Variants in FRMD4A observed in about 807,000 individuals in gnomAD.
The protein encoded by FRMD4A is FERM domain-containing protein 4A.
FRMD4A carries 29 observed loss-of-function variants against 129.1 expected under a neutral mutation model. The ratio of observed to expected loss-of-function variants is 0.22; its 90% CI spans 0.17 to 0.31. The LOEUF (loss-of-function observed/expected upper bound fraction) is 0.31. Ranked by LOEUF, FRMD4A falls within the 10% of genes least tolerant of loss-of-function variation. The pLI is 1.00. For synonymous variants in FRMD4A, 634 were observed against 571.6 expected (o/e 1.11, Z -1.56); for missense variants, 1,272 against 1,375.8 (o/e 0.92, Z 1.19).
At chr10:14,094,997 T>C (rs1836873754) in intron 2 of FRMD4A, among the ~76,000 whole-genome samples, 1 of 152,080 alleles carries the variant, frequency 6.6e-6, no homozygotes. Context: ...CATACATCCA[T>C]ATGCATGGAT....
chr10:13,750,461 A>G (rs2091560250), intron 8 of FRMD4A, among the ~76,000 whole-genome samples: 1 of 152,218 alleles, frequency 6.6e-6, no homozygotes, highest in Non-Finnish European at 1.5e-5. Context: ...CTCACTGACC[A>G]CAGGGGTGAT....
intron 2 of FRMD4A, among the ~76,000 whole-genome samples, chr10:14,259,491 C>T (rs914505227): frequency 5.9e-5 from 9 of 152,060 alleles, no homozygotes; most frequent in African/African-American, 2.2e-4. Context: ...TATTCATACT[C>T]CTGCAAATGT....
chr10:13,753,538 TCTA>T (rs2091725996), intron 8 of FRMD4A, among the ~76,000 whole-genome samples: 1 of 137,856 alleles, frequency 7.3e-6, no homozygotes, highest in African/African-American at 2.7e-5. Flanking sequence ...TATGTACCTT[TCTA>T]TTTTTTTTTT....
rs34059772 is a variant in FRMD4A at position 13,777,791 on chromosome 10, A to ATTTTTTTTTTTTT, written c.384+5118_384+5130dup. Among the ~76,000 whole-genome samples, 26 of 85,986 alleles carry ATTTTTTTTTTTTT rather than the reference A, an allele frequency of 3.0e-4. No individual in the cohort carries two copies. In the East Asian group the frequency reaches 5.1e-3, roughly 17 times the overall value. The allele number at this position is 85,986 out of a possible 152,430, so 56.4% of individuals were successfully genotyped here. On this transcript the variant is annotated intron_variant, in intron 6 of 24. Coordinates refer to ENST00000357447, the MANE Select transcript of FRMD4A (RefSeq NM_018027.5). ...GTCTGCCCAAGTAGGCTTTGGGTCA[A>ATTTTTTTTTTTTT]TTTTTTTTTTTTTTTTTTTTTTTTT...
intron 2 of FRMD4A, among the ~76,000 whole-genome samples, chr10:13,990,085 T>A (rs989116626): frequency 6.6e-6 from 1 of 152,176 alleles, no homozygotes; most frequent in Non-Finnish European, 1.5e-5. Flanking sequence ...GCTGGCTGCG[T>A]AACCCTGGAC....
At chr10:14,086,284 G>T (rs1836271826) in intron 2 of FRMD4A, among the ~76,000 whole-genome samples, 1 of 152,184 alleles carries the variant, frequency 6.6e-6, no homozygotes, top group African/African-American at 2.4e-5. Flanking sequence ...AAGCCCACTT[G>T]TATGCCTTCC....
chr10:14,024,302 G>C (rs1588804793), intron 2 of FRMD4A, among the ~76,000 whole-genome samples: 1 of 152,214 alleles, frequency 6.6e-6, no homozygotes, highest in African/African-American at 2.4e-5. Context: ...AGGACTTTCG[G>C]AGTGGCAGGG....
At chr10:14,253,797 G>A (rs953713749) in intron 2 of FRMD4A, among the ~76,000 whole-genome samples, 4 of 152,186 alleles carry the variant, frequency 2.6e-5, no homozygotes, top group Non-Finnish European at 5.9e-5. Flanking sequence ...TAGGACCAAG[G>A]ACGGGGTGAA....
At chr10:14,283,080 T>C (rs781299737) in intron 2 of FRMD4A, among the ~76,000 whole-genome samples, 13 of 152,270 alleles carry the variant, frequency 8.5e-5, no homozygotes, top group Non-Finnish European at 1.9e-4. Context: ...GTGTCTCTTA[T>C]GAGTTCCAGG....
chr10:13,815,172 C>T (rs113454199), intron 3 of FRMD4A, among the ~76,000 whole-genome samples: 2 of 152,160 alleles, frequency 1.3e-5, no homozygotes, highest in Admixed American at 1.3e-4. Flanking sequence ...TGTCCTGGGT[C>T]TCACAGCCAA....
At chr10:13,735,221 T>C (rs1226075680) in intron 12 of FRMD4A, among the ~76,000 whole-genome samples, 2 of 152,214 alleles carry the variant, frequency 1.3e-5, no homozygotes, top group African/African-American at 2.4e-5. Context: ...CTGTGACAGA[T>C]TGGTAGTCTG....
intron 2 of FRMD4A, among the ~76,000 whole-genome samples, chr10:13,867,630 T>TA (rs58783507): frequency 2.9e-5 from 4 of 135,688 alleles, no homozygotes; most frequent in East Asian, 2.0e-4. Context: ...TATGATATAA[T>TA]TATGATATAT....
At chr10:13,764,506 TAAACAAAC>T (rs74976375) in intron 6 of FRMD4A, among the ~76,000 whole-genome samples, 8 of 149,786 alleles carry the variant, frequency 5.3e-5, no homozygotes, top group East Asian at 4.0e-4. Flanking sequence ...CTGCCTCAAA[TAAACAAAC>T]AAACAAACAA....
At chr10:14,196,143 A>C (rs1842465759) in intron 2 of FRMD4A, among the ~76,000 whole-genome samples, 1 of 145,742 alleles carries the variant, frequency 6.9e-6, no homozygotes, top group African/African-American at 2.6e-5. Context: ...ACATAAACAT[A>C]TATACTCACA....
intron 2 of FRMD4A, among the ~76,000 whole-genome samples, chr10:13,865,425 T>TTTATTTTATC (rs2094353189): frequency 6.9e-6 from 1 of 143,896 alleles, no homozygotes; most frequent in Non-Finnish European, 1.5e-5. Context: ...TTTATTTTAT[T>TTTATTTTATC]TTATTTTATT....
intron 2 of FRMD4A, among the ~76,000 whole-genome samples, chr10:14,207,120 A>AT (rs1369024443): frequency 6.6e-6 from 1 of 152,100 alleles, no homozygotes; most frequent in East Asian, 1.9e-4. Context: ...GATAAGCAAC[A>AT]TATTTATAAA....
intron 2 of FRMD4A, among the ~76,000 whole-genome samples, chr10:14,058,746 C>T (rs1190136834): frequency 2.0e-5 from 3 of 152,116 alleles, no homozygotes; most frequent in Non-Finnish European, 4.4e-5. Flanking sequence ...GGTGGAAGAC[C>T]ATATGCCACA....
At chr10:13,667,857 G>A (rs2083185535) in intron 17 of FRMD4A, 1 of 152,174 alleles carries the variant, frequency 6.6e-6, no homozygotes, top group Non-Finnish European at 1.5e-5. Context: ...CAGGACAAAT[G>A]CATCGGCAGC....
rs200440684 is a variant in FRMD4A, at chr10:13,747,689, G to A, written c.548+47C>T. On this transcript the variant is annotated intron_variant, in intron 9 of 24. Coordinates refer to ENST00000357447, the MANE Select transcript of FRMD4A (RefSeq NM_018027.5). ...ACATTCAGTTGTCCTGTGTCCCCTC[G>A]CACCCCGAGAGGGACTCGCTCCTGG... is the stretch of plus-strand genomic sequence containing the variant. 5.7e-5 allele frequency: 57 copies of A among 1,006,794 alleles called. No individual in the cohort carries two copies. The East Asian group carries it at 7.1e-4, about 13-fold the overall frequency. The allele number at this position is 1,006,794 out of a possible 1,614,324, so 62.4% of individuals were successfully genotyped here.
Sources: allele counts gnomAD v4.1 joint callset (sites outside exome capture counted in the v4.1 genomes callset), GRCh38; gene constraint gnomAD v4.1.1; transcripts MANE v1.5; gene names NCBI Gene and HGNC (gene_info 2026-07-23, HGNC 2026-07-21).